FPGS: variants seen among roughly 807,000 people sequenced by gnomAD.
The protein encoded by FPGS is folylpolyglutamate synthase.
Under a neutral mutation model 66.5 loss-of-function variants are expected in FPGS, and 53 were observed. The ratio of observed to expected loss-of-function variants is 0.80; its 90% CI spans 0.64 to 1.00. FPGS has a LOEUF of 1.00. FPGS is among the 50% of genes least tolerant of loss of function. The pLI, the probability that FPGS is intolerant of heterozygous loss-of-function variation, is 0.00. For missense variants in FPGS, 702 were observed against 807.7 expected (o/e 0.87, Z 1.59); for synonymous variants, 348 against 350.9 (o/e 0.99, Z 0.09).
At position 127,804,272 on chromosome 9, in the gene FPGS, C is replaced by T. The variant is rs767643070; in HGVS notation, c.139-13C>T. The T allele has an allele frequency of 6.2e-7, 1 of 1,613,102 alleles. No homozygotes were observed. The highest frequency in any genetic ancestry group is 8.5e-7 in the Non-Finnish European group (1 of 1,179,426). ...TGAGCCTTAACCTACTATCTGGGCA[C>T]TGTGGTTGCCAGGATGCCGTGCGCA... On this transcript the variant is annotated splice_polypyrimidine_tract_variant and intron_variant, in intron 1 of 14. Coordinates refer to ENST00000373247, the MANE Select transcript of FPGS (RefSeq NM_004957.6).
At chr9:127,803,482 A>C in intron 1 of FPGS, 1 of 907,542 alleles carries the variant, frequency 1.1e-6, no homozygotes, top group Non-Finnish European at 1.3e-6. Flanking sequence ...AGGATTCAGA[A>C]GATTGGGGAT....
In FPGS at chr9:127,813,868, C is replaced by T; in HGVS notation, c.*264C>T. 1 of 1,221,738 alleles carries T rather than the reference C, an allele frequency of 8.2e-7. No individual in the cohort carries two copies. The highest frequency in any genetic ancestry group is 1.0e-6 in the Non-Finnish European group (1 of 981,852). 75.7% of individuals were successfully genotyped at this position (1,221,738 alleles called of 1,614,324 possible). On this transcript the variant is annotated 3_prime_UTR_variant, in exon 15 of 15. Transcript: ENST00000373247. ...GGCCTGGCCGTTCAGCCTGTCTCCCCCAACACCCCGCCTGCCTCCTGGCTC... is the reference window on the plus strand; with the variant it reads ...GGCCTGGCCGTTCAGCCTGTCTCCCTCAACACCCCGCCTGCCTCCTGGCTC...
chr9:127,809,648 G>A, intron 11 of FPGS, 36 bp from the exon 12 acceptor site: 3 of 1,554,544 alleles, frequency 1.9e-6, no homozygotes, highest in Middle Eastern at 1.7e-4. Context: ...GGGGGTGGGA[G>A]AGGGCCTGGA....
At chr9:127,803,409 G>A (rs1829686829) in intron 1 of FPGS, 1 of 1,058,244 alleles carries the variant, frequency 9.4e-7, no homozygotes, top group South Asian at 4.4e-5. Flanking sequence ...AAGAGGGTAG[G>A]GAAGAGACTC....
At chr9:127,806,728 G>A (rs1829823877) in intron 4 of FPGS, 1 of 538,764 alleles carries the variant, frequency 1.9e-6, no homozygotes, top group Non-Finnish European at 3.4e-6. Flanking sequence ...AGACCAGCCT[G>A]GGTGAGGAGG....
At position 127,813,582 on chromosome 9, in the gene FPGS, T is replaced by C; in HGVS notation, c.1742T>C (p.Leu581Pro). The change falls in exon 15 of 15, where the codon CTG becomes CCG. Residue 581 changes from leucine (L) to proline (P), a missense_variant. Leu to Pro is a moderately conservative substitution (Grantham distance 98, BLOSUM62 -3). This residue lies in a region of FPGS where 351 missense variants were observed against 363.7 expected (regional missense o/e 0.97). Coordinates refer to ENST00000373247, the MANE Select transcript of FPGS (RefSeq NM_004957.6). ...LHLVGGVLKL[L>P]EPALSQ is the part of the protein sequence containing the mutation. ...CTGGTGGGTGGTGTCCTGAAGCTGC[T>C]GGAGCCCGCACTGTCCCAGTAGCCA... The C allele has an allele frequency of 6.4e-7, 1 of 1,566,924 alleles. No individual in the cohort carries two copies. The highest frequency in any genetic ancestry group is 8.7e-7 in the Non-Finnish European group (1 of 1,154,742).
In FPGS at chr9:127,813,750, A is replaced by G; in HGVS notation, c.*146A>G. The G allele has an allele frequency of 7.6e-7, 1 of 1,311,190 alleles. No individual in the cohort carries two copies. The highest frequency in any genetic ancestry group is 2.4e-5 in the South Asian group (1 of 41,100). The allele number at this position is 1,311,190 out of a possible 1,614,324, so 81.2% of individuals were successfully genotyped here. On this transcript the variant is annotated 3_prime_UTR_variant, in exon 15 of 15. Coordinates refer to ENST00000373247, the MANE Select transcript of FPGS (RefSeq NM_004957.6). The stretch of plus-strand genomic sequence containing the variant: ...CAGGGCTTTGGGATGGGAGGCCGGG[A>G]GAGGATGTCTTTTTTAAGGCTCTGT...
intron 12 of FPGS, 92 bp from the exon 13 acceptor site, chr9:127,809,939 T>TGGGGAGGGGCGGGGTCGTGGGC: frequency 1.2e-5 from 3 of 244,658 alleles, no homozygotes; most frequent in South Asian, 1.0e-4. Flanking sequence ...GGCGGGCCCA[T>TGGGGAGGGGCGGGGTCGTGGGC]GGGGAGGGGC....
chr9:127,804,069 G>A (rs1264046502), intron 1 of FPGS, among the ~76,000 whole-genome samples: 1 of 152,232 alleles, frequency 6.6e-6, no homozygotes, highest in African/African-American at 2.4e-5. Context: ...CTCCCTGGGT[G>A]GGGCTGAACT....
rs752513284 is a variant in FPGS, at chr9:127,813,237, G to A, written c.1397G>A (p.Arg466His). ...FTVTLDQVLL[R>H]CLEHQQHWNH... is the part of the protein sequence containing the mutation. ...GTGACACTGGACCAGGTCCTGCTCC[G>A]CTGCCTGGAACACCAGCAGCACTGG... is the stretch of plus-strand genomic sequence containing the variant. Residue 466 changes from arginine (R) to histidine (H), a missense_variant, in exon 15 of 15, where the codon CGC becomes CAC. Physicochemically the swap from Arg to His is conservative, Grantham distance 29. Coordinates refer to ENST00000373247, the MANE Select transcript of FPGS (RefSeq NM_004957.6). 39 of 1,607,722 alleles carry A rather than the reference G, an allele frequency of 2.4e-5. No individual in the cohort carries two copies. Among genetic ancestry groups the A allele is most frequent in the Non-Finnish European group, 3.1e-5 (37 of 1,176,894 alleles).
intron 4 of FPGS, among the ~76,000 whole-genome samples, chr9:127,805,604 A>C (rs1266249521): frequency 6.6e-6 from 1 of 152,132 alleles, no homozygotes; most frequent in Admixed American, 6.5e-5. Flanking sequence ...TCTCTATTAA[A>C]AAAAAAATGA....
At chr9:127,808,946 A>ATTTTTTT in intron 11 of FPGS, 57 bp downstream of exon 11, 1 of 887,784 alleles carries the variant, frequency 1.1e-6, no homozygotes, top group African/African-American at 2.0e-5. Flanking sequence ...GCCCCTTCAG[A>ATTTTTTT]TTTTTTTTTT....
chr9:127,807,386 T>G lies in FPGS; in HGVS notation c.580-35T>G, dbSNP rs1455219099. On this transcript the variant is annotated intron_variant, in intron 6 of 14. Transcript: ENST00000373247. This position sits in a 1 kb window ranked among gnomAD's most constrained non-coding sequence, Gnocchi z 5.8. ...GCTTCCATGCGGCCTCTGGGCACCC[T>G]CATATCCCCTGCCATGCCCTCTGGT... The G allele has an allele frequency of 1.2e-6, 2 of 1,613,114 alleles. No individual in the cohort carries two copies. The highest frequency in any genetic ancestry group is 1.3e-5 in the African/African-American group (1 of 74,918).
chr9:127,813,527 A>G lies in FPGS; in HGVS notation c.1687A>G (p.Ile563Val), dbSNP rs1281571658. The change falls in exon 15 of 15, where the codon ATC becomes GTC. Residue 563 changes from isoleucine to valine, a missense_variant. By Grantham distance (29) the Ile-to-Val change is conservative (BLOSUM62 3). Coordinates refer to ENST00000373247, the MANE Select transcript of FPGS (RefSeq NM_004957.6). ...CAGCATACTCCGTGAGGCTGCTGCC[A>G]TCCATGTGCTAGTCACTGGCAGCCT... ...GASILREAAA[I>V]HVLVTGSLHL... 1 of 1,608,856 alleles carries G rather than the reference A, an allele frequency of 6.2e-7. No homozygotes were observed. Among genetic ancestry groups the G allele is most frequent in the Admixed American group, 1.7e-5 (1 of 59,542 alleles).
intron 4 of FPGS, 41 bp downstream of exon 4, chr9:127,804,741 G>T (rs745955336): frequency 1.9e-6 from 3 of 1,603,726 alleles, no homozygotes; most frequent in East Asian, 2.2e-5. Flanking sequence ...TGTCCCAATG[G>T]ACCCTGGGGG....
intron 4 of FPGS, chr9:127,804,902 T>G: frequency 3.5e-6 from 2 of 579,422 alleles, no homozygotes; most frequent in Non-Finnish European, 6.1e-6. Flanking sequence ...TTTTTTTTTT[T>G]TTTTGAGACT....
At position 127,810,050 on chromosome 9, in the gene FPGS, T is replaced by G. The variant is rs763564170; in HGVS notation, c.1231T>G (p.Leu411Val). ...RPSGGPEVRVLLFNATGDRDP... is the reference protein window; with the variant it reads ...RPSGGPEVRVVLFNATGDRDP... ...TCGCAGTGGCCCCGAGGTTCGAGTCTTGCTCTTCAATGCTACCGGGGACCG... is the reference window on the plus strand; with the variant it reads ...TCGCAGTGGCCCCGAGGTTCGAGTCGTGCTCTTCAATGCTACCGGGGACCG... Residue 411 changes from leucine (L) to valine (V), a missense_variant, in exon 13 of 15, where the codon TTG (leucine) becomes GTG (valine). Physicochemically the swap from Leu to Val is conservative, Grantham distance 32. Transcript: ENST00000373247. The G allele has an allele frequency of 1.2e-6, 2 of 1,612,922 alleles. No individual in the cohort carries two copies. Among genetic ancestry groups the G allele is most frequent in the Non-Finnish European group, 1.7e-6 (2 of 1,179,750 alleles).
chr9:127,804,784 G>T lies in FPGS; in HGVS notation c.386+84G>T. The T allele has an allele frequency of 6.6e-6, 9 of 1,365,008 alleles. No individual in the cohort carries two copies. The South Asian group carries it at 9.3e-5, about 14-fold the overall frequency. 84.6% of individuals were successfully genotyped at this position (1,365,008 alleles called of 1,614,324 possible). ...AACCAGCCAGTGCTTCAGGACCAGG[G>T]TCACCCCCAGGAGGTCAGCTGCATG... On this transcript the variant is annotated intron_variant, in intron 4 of 14. Transcript: ENST00000373247.
intron 4 of FPGS, chr9:127,806,758 C>T (rs1464760401): frequency 1.2e-5 from 7 of 575,980 alleles, no homozygotes; most frequent in Admixed American, 9.0e-5. Context: ...TTGAGACCAA[C>T]GTGGTGAATA....
Sources: gnomAD v4.1 joint callset for allele counts (sites outside exome capture counted in the v4.1 genomes callset) on GRCh38, gnomAD v4.1.1 for gene constraint, gnomAD v4.1.1 regional missense constraint, Gnocchi (gnomAD v3.1) non-coding constraint, MANE v1.5 for transcripts, NCBI Gene and HGNC (gene_info 2026-07-23, HGNC 2026-07-21) for gene names.